YME1L1: variants seen among roughly 807,000 people sequenced by gnomAD.
The protein encoded by YME1L1 is ATP-dependent zinc metalloprotease YME1L1.
Under a neutral mutation model 90.4 loss-of-function variants are expected in YME1L1, and 39 were observed. That is an observed-to-expected ratio of 0.43 (90% CI 0.33 to 0.56). The LOEUF (loss-of-function observed/expected upper bound fraction) is 0.56. Among genes scored for constraint, YME1L1 ranks in the 20% least tolerant of loss-of-function variants. YME1L1 has a pLI of 0.03. For synonymous variants in YME1L1, 284 were observed against 287.3 expected, an observed-to-expected ratio of 0.99 and a Z score of 0.12; for missense variants, 617 against 868.4, an observed-to-expected ratio of 0.71 and a Z score of 3.64.
intron 4 of YME1L1, 40 bp from the exon 5 acceptor site, chr10:27,136,425 T>G: frequency 6.5e-7 from 1 of 1,531,368 alleles, no homozygotes; most frequent in Non-Finnish European, 9.0e-7. Context: ...TATAAATTGT[T>G]ACAGGAAAAG....
In YME1L1 at chr10:27,121,421, TATG is replaced by T. The variant is rs1388164153; in HGVS notation, c.1260_1262del (p.Ile422del). 6.2e-7 allele frequency: 1 copy of T among 1,607,120 alleles called. No individual in the cohort carries two copies. The highest frequency in any genetic ancestry group is 8.5e-7 in the Non-Finnish European group (1 of 1,173,978). On this transcript the variant is annotated inframe_deletion, in exon 12 of 19. Transcript: ENST00000376016. The stretch of plus-strand genomic sequence containing the variant: ...CCTCTGGGAAGTTTGTGGCTCCTAT[TATG>T]ATAACTCCTTCATTGGGTTTAAAAC...
chr10:27,145,800 A>G, intron 2 of YME1L1: 1 of 360,364 alleles, frequency 2.8e-6, no homozygotes, highest in Non-Finnish European at 4.9e-6. Flanking sequence ...TTAAAAAATT[A>G]TATTCCTAAT....
chr10:27,148,498 C>T (rs537321531), intron 2 of YME1L1, among the ~76,000 whole-genome samples: 15 of 152,248 alleles, frequency 9.9e-5, no homozygotes, highest in East Asian at 3.9e-4. Context: ...GGACTTTCTC[C>T]GGTCTCTGCC....
intron 1 of YME1L1, among the ~76,000 whole-genome samples, chr10:27,151,016 C>A (rs2057208458): frequency 6.6e-6 from 1 of 150,542 alleles, no homozygotes; most frequent in Admixed American, 6.6e-5. Context: ...ACCACCGCCT[C>A]CTGGGTTCGA....
intron 13 of YME1L1, among the ~76,000 whole-genome samples, chr10:27,120,168 T>A (rs1259238545): frequency 6.6e-6 from 1 of 152,188 alleles, no homozygotes; most frequent in Admixed American, 6.5e-5. Flanking sequence ...AAAATGTGTG[T>A]GTGTGTATGT....
intron 5 of YME1L1, 109 bp downstream of exon 5, chr10:27,136,167 G>T: frequency 1.1e-6 from 1 of 880,030 alleles, no homozygotes. Context: ...ATTATTAGTG[G>T]AAAGAAGGAA....
rs2057014314 is a variant in YME1L1 at position 27,135,081 on chromosome 10, T to G, written c.541-100A>C. The G allele has an allele frequency of 1.3e-5, 15 of 1,177,068 alleles. No homozygotes were observed. The East Asian group carries it at 3.7e-4, about 29-fold the overall frequency. 72.9% of individuals were successfully genotyped at this position (1,177,068 alleles called of 1,614,324 possible). A position where few individuals can be genotyped will look rare whatever the true frequency, so the allele number is the denominator to read the frequency against. ...AAAAATTCACTAAAATTCTGTATAA[T>G]TTTTACTGTCAATGTGAAGAAACAG... On this transcript the variant is annotated intron_variant, in intron 5 of 18. Transcript: ENST00000376016.
At chr10:27,125,574 G>A (rs986169896) in intron 9 of YME1L1, among the ~76,000 whole-genome samples, 1 of 151,600 alleles carries the variant, frequency 6.6e-6, no homozygotes, top group Non-Finnish European at 1.5e-5. Context: ...TACTATTGGA[G>A]CAAATGCTGA....
chr10:27,145,369 A>T lies in YME1L1; in HGVS notation c.331+59T>A, dbSNP rs997483007. ...GCTACTGTGAAAGCTAAGAAATGGT[A>T]TCTATAATTATTAATAGTGCTAAAA... is the stretch of plus-strand genomic sequence containing the variant. On this transcript the variant is annotated intron_variant, in intron 3 of 18. Coordinates refer to ENST00000376016, the MANE Select transcript of YME1L1 (RefSeq NM_014263.4). 5.7e-5 allele frequency: 77 copies of T among 1,354,836 alleles called. 2 individuals carry two copies. In the South Asian group the frequency reaches 1.2e-3, roughly 21 times the overall value. 83.9% of individuals were successfully genotyped at this position (1,354,836 alleles called of 1,614,324 possible).
intron 9 of YME1L1, among the ~76,000 whole-genome samples, chr10:27,126,402 C>T (rs888812098): frequency 1.8e-4 from 28 of 152,094 alleles, no homozygotes; most frequent in Middle Eastern, 3.4e-3. Flanking sequence ...GCACTCAAGC[C>T]TGGGTCTAAA....
At chr10:27,148,627 CTTA>C (rs2057172097) in intron 2 of YME1L1, among the ~76,000 whole-genome samples, 1 of 152,064 alleles carries the variant, frequency 6.6e-6, no homozygotes, top group Non-Finnish European at 1.5e-5. Flanking sequence ...TTTTCTCTTC[CTTA>C]TGATTTTCTT....
At chr10:27,139,511 A>G (rs1184005652) in intron 4 of YME1L1, among the ~76,000 whole-genome samples, 2 of 150,964 alleles carry the variant, frequency 1.3e-5, no homozygotes, top group Non-Finnish European at 3.0e-5. Flanking sequence ...ATCTCATGGA[A>G]TAAATAGGGA....
At chr10:27,153,527 T>C (rs1027625984) in intron 1 of YME1L1, among the ~76,000 whole-genome samples, 3 of 152,222 alleles carry the variant, frequency 2.0e-5, no homozygotes, top group Non-Finnish European at 2.9e-5. Flanking sequence ...TCACAAGTGA[T>C]TGCCCAAGAG....
In YME1L1 at chr10:27,116,397, G is replaced by A. The variant is rs146937735; in HGVS notation, c.1720-52C>T. The A allele has an allele frequency of 2.0e-4, 327 of 1,597,906 alleles. No individual in the cohort carries two copies. The African/African-American group carries it at 3.4e-3, about 16-fold the overall frequency. On this transcript the variant is annotated intron_variant, in intron 15 of 18. Transcript: ENST00000376016. ...AAAAATAAGCAAAGAGGCTGGGTGC[G>A]GTGGCTCACGCCTGAATCCCAGCAC...
Position 27,114,597 on chromosome 10 carries a change from A to C in YME1L1, c.1931T>G (p.Met644Arg), listed in dbSNP as rs1465780125. 6.2e-7 allele frequency: 1 copy of C among 1,611,556 alleles called. No individual in the cohort carries two copies. Among genetic ancestry groups the C allele is most frequent in the Non-Finnish European group, 8.5e-7 (1 of 1,179,358 alleles). The change falls in exon 18 of 19, where the codon ATG (methionine) becomes AGG (arginine). Residue 644 changes from methionine to arginine, a missense_variant. Transcript: ENST00000376016. The stretch of plus-strand genomic sequence containing the variant: ...TAGTTTCCCTGTATCACTGTAGGTC[A>C]TAACTCCAAGCTAAAACCAAAAGGA... ...KFGMSEKLGV[M>R]TYSDTGKLSP...
intron 4 of YME1L1, among the ~76,000 whole-genome samples, chr10:27,140,444 A>G (rs940350632): frequency 1.4e-4 from 21 of 152,142 alleles, no homozygotes; most frequent in Admixed American, 6.5e-5. Flanking sequence ...GACATTTAGA[A>G]AAGGGTTTTA....
intron 15 of YME1L1, 106 bp downstream of exon 15, chr10:27,117,470 A>G: frequency 8.2e-7 from 1 of 1,214,852 alleles, no homozygotes; most frequent in East Asian, 2.4e-5. Context: ...TGGGAGGCTG[A>G]GGTGAAAGAA....
chr10:27,116,288 G>C lies in YME1L1; in HGVS notation c.1777C>G (p.Gln593Glu), dbSNP rs2056812099. The C allele has an allele frequency of 1.2e-6, 2 of 1,613,996 alleles. No individual in the cohort carries two copies. Among genetic ancestry groups the C allele is most frequent in the Non-Finnish European group, 1.7e-6 (2 of 1,180,036 alleles). ...WNETRAQLLAQMDVSMGGRVA... is the reference protein window; with the variant it reads ...WNETRAQLLAEMDVSMGGRVA... ...CTTCCTCCCATACTAACATCCATTTGTGCAAGCAGCTGGGCTCTAGTTTCA... is the reference window on the plus strand; with the variant it reads ...CTTCCTCCCATACTAACATCCATTTCTGCAAGCAGCTGGGCTCTAGTTTCA... The change falls in exon 16 of 19, where the codon CAA becomes GAA. Residue 593 changes from glutamine (Q) to glutamate (E), a missense_variant. Transcript: ENST00000376016.
chr10:27,113,229 A>T (rs1312605973), intron 18 of YME1L1, among the ~76,000 whole-genome samples: 1 of 11,500 alleles, frequency 8.7e-5, no homozygotes, highest in African/African-American at 6.8e-4. Flanking sequence ...CAAAAAAAAA[A>T]AAAAAAAAAA....
Sources: allele counts gnomAD v4.1 joint callset (sites outside exome capture counted in the v4.1 genomes callset), GRCh38; gene constraint gnomAD v4.1.1; transcripts MANE v1.5; gene names NCBI Gene and HGNC (gene_info 2026-07-23, HGNC 2026-07-21).